The following DPP10 variants were observed in gnomAD, a reference collection of about 807,000 sequenced individuals.
DPP10 encodes dipeptidyl peptidase like 10, also known as inactive dipeptidyl peptidase 10.
Under a neutral mutation model 120.9 loss-of-function variants are expected in DPP10, and 33 were observed. The ratio of observed to expected loss-of-function variants is 0.27; its 90% confidence interval spans 0.21 to 0.37. DPP10 has a LOEUF of 0.37. Among genes scored for constraint, DPP10 ranks in the 10% least tolerant of loss-of-function variants. The pLI, the probability that DPP10 is intolerant of heterozygous loss-of-function variation, is 1.00. For missense variants in DPP10, 816 were observed against 942.8 expected (o/e 0.87, Z 1.76); for synonymous variants, 337 against 326.1 (o/e 1.03, Z -0.36).
chr2:114,662,126 G>T (rs769422648), intron 1 of DPP10, among the ~76,000 whole-genome samples: 1 of 152,152 alleles, frequency 6.6e-6, no homozygotes, highest in African/African-American at 2.4e-5. Flanking sequence ...GCTCAGTGGG[G>T]ACCCAGCAAA....
intron 1 of DPP10, among the ~76,000 whole-genome samples, chr2:114,604,563 G>A (rs1019469860): frequency 2.0e-5 from 3 of 152,070 alleles, no homozygotes; most frequent in African/African-American, 7.2e-5. Context: ...ACATGGAAGA[G>A]CACGCTGTGT....
intron 1 of DPP10, among the ~76,000 whole-genome samples, chr2:114,961,033 C>CTTTTTTTTT (rs772146022): frequency 3.8e-5 from 2 of 52,004 alleles, no homozygotes; most frequent in African/African-American, 1.5e-4. Context: ...CTCTATACGC[C>CTTTTTTTTT]TTTTTTTTTT....
chr2:114,818,075 G>A (rs1440826823), intron 1 of DPP10, among the ~76,000 whole-genome samples: 1 of 151,996 alleles, frequency 6.6e-6, no homozygotes, highest in African/African-American at 2.4e-5. Flanking sequence ...AGAAACCATA[G>A]AGTAAAATTC....
chr2:114,468,640 A>C (rs1345744567), intron 1 of DPP10, among the ~76,000 whole-genome samples: 1 of 152,154 alleles, frequency 6.6e-6, no homozygotes, highest in African/African-American at 2.4e-5. Context: ...ATGTGTAGAA[A>C]ATAGAACTCT....
At chr2:115,115,669 T>A (rs904052687) in intron 1 of DPP10, among the ~76,000 whole-genome samples, 8 of 152,210 alleles carry the variant, frequency 5.3e-5, no homozygotes, top group African/African-American at 1.7e-4. Flanking sequence ...TAAGTGGCAT[T>A]TATCTCTGAA....
In DPP10 at chr2:114,937,961, G is replaced by A. The variant is rs556717594; in HGVS notation, c.61-371278G>A. Among the ~76,000 whole-genome samples, 4 of 152,328 alleles carry A rather than the reference G, an allele frequency of 2.6e-5. No homozygotes were observed. In the South Asian group the frequency reaches 8.3e-4, roughly 32 times the overall value. On this transcript the variant is annotated intron_variant, in intron 1 of 25. Transcript: ENST00000410059. ...CATGTATATTTCCTCCATAGAAGATGTGGGAGAACCTTAAATTAAAAGAAT... is the reference window on the plus strand; with the variant it reads ...CATGTATATTTCCTCCATAGAAGATATGGGAGAACCTTAAATTAAAAGAAT...
intron 1 of DPP10, among the ~76,000 whole-genome samples, chr2:114,663,571 T>C (rs577359536): frequency 2.0e-5 from 3 of 149,688 alleles, no homozygotes; most frequent in Non-Finnish European, 4.4e-5. Flanking sequence ...GTCATTATTC[T>C]TCTTTTGTAT....
At position 114,893,075 on chromosome 2, in the gene DPP10, C is replaced by T. The variant is rs1692674857; in HGVS notation, c.61-416164C>T. On this transcript the variant is annotated intron_variant, in intron 1 of 25. Coordinates refer to ENST00000410059, the MANE Select transcript of DPP10 (RefSeq NM_020868.6). ...ATTCATAATTCCATAGTTAAGCAAG[C>T]TCTCAAATGTTTTATATTCTAAATC... Among the ~76,000 whole-genome samples, 3 of 152,244 alleles carry T rather than the reference C, an allele frequency of 2.0e-5. No homozygotes were observed. In the South Asian group the frequency reaches 6.2e-4, roughly 32 times the overall value.
chr2:115,164,825 C>T (rs1348992868), intron 1 of DPP10, among the ~76,000 whole-genome samples: 1 of 152,186 alleles, frequency 6.6e-6, no homozygotes, highest in East Asian at 1.9e-4. Flanking sequence ...GAGGACATGC[C>T]CTCCCTCCCT....
intron 1 of DPP10, among the ~76,000 whole-genome samples, chr2:115,060,536 G>C (rs1477762526): frequency 1.3e-5 from 2 of 152,188 alleles, no homozygotes; most frequent in African/African-American, 4.8e-5. Context: ...AGACTGCAGT[G>C]AGCGGAGACT....
chr2:115,492,570 G>T (rs186152134), intron 3 of DPP10, among the ~76,000 whole-genome samples: 3 of 151,952 alleles, frequency 2.0e-5, no homozygotes, highest in Non-Finnish European at 4.4e-5. Flanking sequence ...AAGTAAATGG[G>T]TTTTTGGAAA....
intron 2 of DPP10, among the ~76,000 whole-genome samples, chr2:115,332,349 A>T (rs996760480): frequency 1.3e-5 from 2 of 151,904 alleles, no homozygotes; most frequent in Admixed American, 1.3e-4. Context: ...TGGTCTATCA[A>T]TTTTGTTGAT....
At chr2:115,766,314 A>G (rs1326806267) in intron 12 of DPP10, among the ~76,000 whole-genome samples, 38,514 of 69,820 alleles carry the variant, frequency 0.55, 10,433 homozygotes, top group East Asian at 0.74. Flanking sequence ...GTGTGTGTAT[A>G]TATATATATA....
At chr2:114,709,468 T>C (rs1700888160) in intron 1 of DPP10, among the ~76,000 whole-genome samples, 1 of 152,236 alleles carries the variant, frequency 6.6e-6, no homozygotes, top group African/African-American at 2.4e-5. Context: ...AACTAATTTC[T>C]GTTTTCCTGG....
chr2:115,387,355 T>C (rs759677122), intron 3 of DPP10, among the ~76,000 whole-genome samples: 3 of 152,220 alleles, frequency 2.0e-5, no homozygotes, highest in Non-Finnish European at 4.4e-5. Context: ...TTTTTAGTTT[T>C]AGTTTTCCTT....
intron 1 of DPP10, among the ~76,000 whole-genome samples, chr2:114,927,435 A>G (rs1176995210): frequency 1.3e-5 from 2 of 152,172 alleles, no homozygotes; most frequent in Non-Finnish European, 2.9e-5. Flanking sequence ...ATATGTAAGA[A>G]GTACATTAAT....
chr2:114,800,313 A>G (rs1684084749), intron 1 of DPP10, among the ~76,000 whole-genome samples: 1 of 152,260 alleles, frequency 6.6e-6, no homozygotes, highest in African/African-American at 2.4e-5. Flanking sequence ...TGAGGAAAAG[A>G]AAACTTAATT....
At chr2:115,058,509 C>A (rs971858564) in intron 1 of DPP10, among the ~76,000 whole-genome samples, 2 of 152,190 alleles carry the variant, frequency 1.3e-5, no homozygotes, top group Non-Finnish European at 1.5e-5. Flanking sequence ...AAGCGCTTCT[C>A]ATGCCTCAGC....
intron 5 of DPP10, among the ~76,000 whole-genome samples, chr2:115,583,881 A>T (rs2082140092): frequency 6.6e-6 from 1 of 152,188 alleles, no homozygotes; most frequent in Non-Finnish European, 1.5e-5. Flanking sequence ...AGGGTAGTGA[A>T]ATGTGGAGTG....
Sources: gnomAD v4.1 joint callset for allele counts (sites outside exome capture counted in the v4.1 genomes callset) on GRCh38, gnomAD v4.1.1 for gene constraint, MANE v1.5 for transcripts, NCBI Gene and HGNC (gene_info 2026-07-23, HGNC 2026-07-21) for gene names.